The following EYS variants were observed in gnomAD, a reference collection of about 807,000 sequenced individuals.
EYS encodes the protein EGF-like photoreceptor maintenance factor.
A neutral mutation model predicts 282.1 loss-of-function variants in EYS; 250 were observed. The observed-to-expected ratio is 0.89, with a 90% CI of 0.80 to 0.98. EYS has a LOEUF of 0.98. Among genes scored for constraint, EYS ranks in the 50% least tolerant of loss-of-function variants. EYS has a pLI of 0.00. For synonymous variants in EYS, 1,355 were observed against 1,282.9 expected (o/e 1.06, Z -1.20); for missense variants, 4,016 against 3,709.0 (o/e 1.08, Z -2.15).
chr6:64,531,506 C>T (rs1193579342), intron 26 of EYS, among the ~76,000 whole-genome samples: 3 of 150,608 alleles, frequency 2.0e-5, no homozygotes, highest in Admixed American at 6.7e-5. Flanking sequence ...CCTGCCTCAG[C>T]CTCCCGAATA....
chr6:63,794,035 GAGA>G (rs575575007), intron 37 of EYS, among the ~76,000 whole-genome samples: 52 of 152,330 alleles, frequency 3.4e-4, no homozygotes, highest in South Asian at 1.2e-3. Flanking sequence ...CCATGCAGCA[GAGA>G]AGGAGAAACA....
intron 29 of EYS, among the ~76,000 whole-genome samples, chr6:64,371,318 T>C (rs1486242437): frequency 1.1e-5 from 1 of 94,466 alleles, no homozygotes; most frequent in Non-Finnish European, 2.3e-5. Flanking sequence ...TGTAATTTTA[T>C]GGTTGGTTTT....
chr6:65,598,324 G>A (rs763902175), intron 2 of EYS, among the ~76,000 whole-genome samples: 6 of 140,930 alleles, frequency 4.3e-5, no homozygotes, highest in Non-Finnish European at 7.5e-5. Context: ...CAGGAAAACT[G>A]ATATACTATT....
intron 22 of EYS, among the ~76,000 whole-genome samples, chr6:64,693,905 T>C (rs1770486872): frequency 6.6e-6 from 1 of 152,162 alleles, no homozygotes; most frequent in African/African-American, 2.4e-5. Context: ...TTCACATATA[T>C]GTATTACATT....
At chr6:64,947,527 GGTACTCCA>G in intron 14 of EYS, among the ~76,000 whole-genome samples, 1 of 151,572 alleles carries the variant, frequency 6.6e-6, no homozygotes, top group South Asian at 2.1e-4. Flanking sequence ...AATCTTTAAG[GGTACTCCA>G]GTTTTGCTGG....
intron 2 of EYS, among the ~76,000 whole-genome samples, chr6:65,571,831 T>C (rs1283326057): frequency 1.3e-5 from 2 of 151,978 alleles, no homozygotes; most frequent in East Asian, 3.9e-4. Flanking sequence ...AAAATATATG[T>C]TTATGGATAT....
chr6:65,019,484 C>T (rs1354748493), intron 13 of EYS, among the ~76,000 whole-genome samples: 2 of 152,168 alleles, frequency 1.3e-5, no homozygotes, highest in Non-Finnish European at 2.9e-5. Context: ...AGGCATATGA[C>T]ATTTCCATGC....
intron 35 of EYS, among the ~76,000 whole-genome samples, chr6:63,881,235 A>G (rs914530900): frequency 1.3e-5 from 2 of 152,172 alleles, no homozygotes; most frequent in Non-Finnish European, 2.9e-5. Context: ...GTGATTCACT[A>G]TAAAATGCAT....
At chr6:64,319,130 A>T (rs947120616) in intron 29 of EYS, among the ~76,000 whole-genome samples, 2 of 151,876 alleles carry the variant, frequency 1.3e-5, no homozygotes, top group Non-Finnish European at 2.9e-5. Flanking sequence ...TTTGCTGTCT[A>T]CTGTAACTGA....
At chr6:64,222,719 A>T (rs925907438) in intron 31 of EYS, among the ~76,000 whole-genome samples, 2 of 152,050 alleles carry the variant, frequency 1.3e-5, no homozygotes, top group African/African-American at 4.8e-5. Flanking sequence ...ATGGAAAAGC[A>T]TAGTGTTTTC....
At chr6:64,923,396 G>C (rs1168308175) in intron 15 of EYS, among the ~76,000 whole-genome samples, 1 of 152,130 alleles carries the variant, frequency 6.6e-6, no homozygotes, top group East Asian at 1.9e-4. Context: ...TAACATGTGG[G>C]AATTCTGGGA....
At chr6:64,299,775 A>C (rs1039888597) in intron 30 of EYS, among the ~76,000 whole-genome samples, 19 of 152,212 alleles carry the variant, frequency 1.2e-4, no homozygotes, top group African/African-American at 4.6e-4. Context: ...AGGTATGCTA[A>C]ACATAGAGCT....
chr6:64,434,825 A>G (rs549468339), intron 28 of EYS, among the ~76,000 whole-genome samples: 1 of 152,070 alleles, frequency 6.6e-6, no homozygotes, highest in Non-Finnish European at 1.5e-5. Context: ...ATGATTTTTT[A>G]AAAATGTATT....
chr6:65,085,665 A>T lies in EYS; in HGVS notation c.2024-27938T>A, dbSNP rs114234907. 1.4e-3 allele frequency among the ~76,000 whole-genome samples: 216 copies of T among 152,146 alleles called. 1 individual carries two copies. Among genetic ancestry groups the T allele is most frequent in the African/African-American group, 3.1e-3 (130 of 41,534 alleles). ...ATCTAAATTGTTTGATGACTTTTTT[A>T]AAAAAAATCTTCCAGAACACAACTC... On this transcript the variant is annotated intron_variant, in intron 12 of 42. Coordinates refer to ENST00000503581, the MANE Select transcript of EYS (RefSeq NM_001142800.2).
Position 64,956,082 on chromosome 6 carries a change from GA to G in EYS, c.2260-10169del, listed in dbSNP as rs1011010142. Among the ~76,000 whole-genome samples, 56 of 148,864 alleles carry G rather than the reference GA, an allele frequency of 3.8e-4. No individual in the cohort carries two copies. The East Asian group carries it at 5.3e-3, about 14-fold the overall frequency. On this transcript the variant is annotated intron_variant, in intron 14 of 42. Coordinates refer to ENST00000503581, the MANE Select transcript of EYS (RefSeq NM_001142800.2). ...ATCAATGACATCCTTCACAGAAATA[GA>G]AAAAAAAAATTCCAAAATGTATATG... is the stretch of plus-strand genomic sequence containing the variant.
intron 11 of EYS, among the ~76,000 whole-genome samples, chr6:65,302,095 T>C (rs2150291017): frequency 1.3e-5 from 2 of 152,374 alleles, no homozygotes; most frequent in East Asian, 3.9e-4. Flanking sequence ...TTAAATGAAC[T>C]CTTTTTTTTG....
chr6:64,192,624 C>T (rs1304854703), intron 31 of EYS, among the ~76,000 whole-genome samples: 3 of 151,964 alleles, frequency 2.0e-5, no homozygotes, highest in Non-Finnish European at 4.4e-5. Flanking sequence ...AACTGGCTAG[C>T]CATATGTAGA....
At chr6:64,546,143 A>G (rs1764858620) in intron 26 of EYS, among the ~76,000 whole-genome samples, 1 of 152,208 alleles carries the variant, frequency 6.6e-6, no homozygotes, top group South Asian at 2.1e-4. Context: ...TACAGTAACC[A>G]AAACAGCATG....
chr6:64,689,037 G>C (rs947546939), intron 22 of EYS, among the ~76,000 whole-genome samples: 7 of 152,128 alleles, frequency 4.6e-5, no homozygotes, highest in African/African-American at 1.4e-4. Flanking sequence ...AATTGTCCCT[G>C]TTTGCAGATG....
Sources: allele counts gnomAD v4.1 joint callset (sites outside exome capture counted in the v4.1 genomes callset), GRCh38; gene constraint gnomAD v4.1.1; transcripts MANE v1.5; gene names NCBI Gene and HGNC (gene_info 2026-07-23, HGNC 2026-07-21).